USP40: variants seen among roughly 807,000 people sequenced by gnomAD.
The protein encoded by USP40 is ubiquitin specific peptidase 40, also known as ubiquitin carboxyl-terminal hydrolase 40.
In USP40, 143 loss-of-function variants were observed where a neutral mutation model predicts 166.2. The observed-to-expected ratio is 0.86, with a 90% CI of 0.75 to 0.99. USP40 has a LOEUF of 0.99. USP40 is among the 50% of genes least tolerant of loss of function. USP40 has a pLI of 0.00. For missense variants in USP40, 1,444 were observed against 1,479.7 expected (o/e 0.98, Z 0.40); for synonymous variants, 498 against 524.0 (o/e 0.95, Z 0.68).
chr2:233,484,485 T>C (rs934510055), intron 30 of USP40, among the ~76,000 whole-genome samples: 1 of 151,898 alleles, frequency 6.6e-6, no homozygotes, highest in Admixed American at 6.6e-5. Flanking sequence ...TTTTTTTTTT[T>C]TTCTTTTTTT....
chr2:233,539,223 AT>A, intron 10 of USP40, among the ~76,000 whole-genome samples: 1 of 151,428 alleles, frequency 6.6e-6, no homozygotes, highest in East Asian at 1.9e-4. Context: ...AAAAAAAAAA[AT>A]AAGAAGAATA....
In USP40 at chr2:233,487,125, A is replaced by C. The variant is rs566406806; in HGVS notation, c.3197+1114T>G. On this transcript the variant is annotated intron_variant, in intron 28 of 31. Coordinates refer to ENST00000678225, the MANE Select transcript of USP40 (RefSeq NM_001365479.2). ...ATTGTGACAAAGGGTCAAAATCATA[A>C]AGAGCTCACACAAATTCCAAGAGAG... Among the ~76,000 whole-genome samples the C allele has an allele frequency of 4.6e-5, 7 of 152,368 alleles. No individual in the cohort carries two copies. In the South Asian group the frequency reaches 1.4e-3, roughly 32 times the overall value.
Position 233,519,663 on chromosome 2 carries a change from A to G in USP40, c.2334T>C (p.Phe778=), listed in dbSNP as rs376984238. ...KISATVNTMV[F]DIRIKAIKEL... ...CCTTTATGGCTTTAATTCGAATATC[A>G]AACACCATCTAAAACAGAGAAATAA... Residue 778 remains phenylalanine, a synonymous_variant, in exon 18 of 32, where the codon TTT becomes TTC. Transcript: ENST00000678225. 2 of 1,414,572 alleles carry G rather than the reference A, an allele frequency of 1.4e-6. No individual in the cohort carries two copies. Among genetic ancestry groups the G allele is most frequent in the African/African-American group, 2.9e-5 (2 of 70,124 alleles). 87.6% of individuals were successfully genotyped at this position (1,414,572 alleles called of 1,614,324 possible).
chr2:233,521,080 T>C lies in USP40; in HGVS notation c.2236A>G (p.Met746Val), dbSNP rs989837523. ...ACGTGGAGCCAGTCAATCTCATTCA[T>C]ACTAGTGACCCATTTCTCTTCCTTG... The part of the protein sequence containing the change: ...LTKEEKWVTS[M>V]NEIDWLHVKN... The change falls in exon 17 of 32, where the codon ATG becomes GTG. Residue 746 changes from methionine (M) to valine (V), a missense_variant. Physicochemically the swap from Met to Val is conservative, Grantham distance 21 (BLOSUM62 1). Transcript: ENST00000678225. 9.3e-6 allele frequency: 15 copies of C among 1,609,244 alleles called. No individual in the cohort carries two copies. The highest frequency in any genetic ancestry group is 3.3e-4 in the Middle Eastern group (2 of 6,078).
At chr2:233,482,121 T>C (rs1054943398) in intron 30 of USP40, among the ~76,000 whole-genome samples, 2 of 152,344 alleles carry the variant, frequency 1.3e-5, no homozygotes, top group African/African-American at 4.8e-5. Context: ...CCGCCTCTGC[T>C]AGGAACATGT....
chr2:233,491,112 T>C, intron 26 of USP40, 55 bp downstream of exon 26: 1 of 1,168,846 alleles, frequency 8.6e-7, no homozygotes, highest in Non-Finnish European at 1.3e-6. Context: ...TATATTAATA[T>C]CTCACTGGAA....
At chr2:233,533,423 T>C in intron 11 of USP40, 56 bp downstream of exon 11, 2 of 1,516,286 alleles carry the variant, frequency 1.3e-6, no homozygotes, top group Non-Finnish European at 1.8e-6. Flanking sequence ...CAGCATTCCA[T>C]GTTTATCTTC....
In USP40 at chr2:233,532,681, C is replaced by T. The variant is rs1489023872; in HGVS notation, c.1471+798G>A. On this transcript the variant is annotated intron_variant, in intron 11 of 31. Coordinates refer to ENST00000678225, the MANE Select transcript of USP40 (RefSeq NM_001365479.2). ...GACAACTTGCACTCATGACCCTCTA[C>T]CGATGACACCAGCATTTTGGGAGGC... 3.3e-5 allele frequency among the ~76,000 whole-genome samples: 5 copies of T among 152,202 alleles called. No homozygotes were observed. The East Asian group carries it at 9.6e-4, about 29-fold the overall frequency.
At chr2:233,502,553 G>A (rs2066144327) in intron 21 of USP40, among the ~76,000 whole-genome samples, 1 of 152,036 alleles carries the variant, frequency 6.6e-6, no homozygotes, top group African/African-American at 2.4e-5. Context: ...CCCAGAGAGA[G>A]CGCTGCACAG....
chr2:233,543,514 G>A (rs2034675), intron 8 of USP40, among the ~76,000 whole-genome samples: 120,408 of 152,082 alleles, frequency 0.79, 47,746 homozygotes, highest in East Asian at 0.87. Context: ...AAACCTAACC[G>A]CCAATGCAAT....
chr2:233,491,608 G>A (rs981304641), intron 25 of USP40, among the ~76,000 whole-genome samples: 13 of 16,204 alleles, frequency 8.0e-4, no homozygotes, highest in South Asian at 1.7e-3. Context: ...TTCCTCGTGT[G>A]TGTGTGTGTG....
intron 11 of USP40, among the ~76,000 whole-genome samples, chr2:233,532,416 T>A (rs1559261384): frequency 6.6e-6 from 1 of 152,178 alleles, no homozygotes; most frequent in Non-Finnish European, 1.5e-5. Flanking sequence ...ATCAGACTGA[T>A]GGCGGGCTCC....
At chr2:233,542,230 A>G (rs2069487201) in intron 9 of USP40, 38 bp downstream of exon 9, 3 of 1,247,116 alleles carry the variant, frequency 2.4e-6, no homozygotes, top group Non-Finnish European at 3.4e-6. Flanking sequence ...CACACAATAC[A>G]TACCATACAT....
At position 233,549,202 on chromosome 2, in the gene USP40, A is replaced by C. The variant is rs2070294907; in HGVS notation, c.865T>G (p.Tyr289Asp). The change falls in exon 8 of 32, where the codon TAT (tyrosine) becomes GAT (aspartate). Residue 289 changes from tyrosine (Y) to aspartate (D), a missense_variant. Transcript: ENST00000678225. The part of the protein sequence containing the change: ...QSELDDLEYI[Y>D]DLFSVIIHKG... ...TGTATAATAACTGAGAAGAGGTCAT[A>C]TATATATTCTAAGTCATCCAATTCA... 11 of 1,500,502 alleles carry C rather than the reference A, an allele frequency of 7.3e-6. No homozygotes were observed. Among genetic ancestry groups the C allele is most frequent in the Non-Finnish European group, 1.0e-5 (11 of 1,090,324 alleles). The allele number at this position is 1,500,502 out of a possible 1,614,324, so 92.9% of individuals were successfully genotyped here. A position where few individuals can be genotyped will look rare whatever the true frequency, so the allele number is the denominator to read the frequency against.
At position 233,488,886 on chromosome 2, in the gene USP40, G is replaced by A. The variant is rs191318377; in HGVS notation, c.3131+479C>T. Among the ~76,000 whole-genome samples, 8 of 152,134 alleles carry A rather than the reference G, an allele frequency of 5.3e-5. No homozygotes were observed. In the East Asian group the frequency reaches 9.6e-4, roughly 18 times the overall value. ...CACGCCACTGCACTCCAGCCTGGGC[G>A]ACAGAGCCAGACCCTGTCTATTAAG... is the stretch of plus-strand genomic sequence containing the variant. On this transcript the variant is annotated intron_variant, in intron 27 of 31. Transcript: ENST00000678225.
chr2:233,521,137 A>C, intron 16 of USP40, 23 bp from the exon 17 acceptor site: 1 of 1,601,928 alleles, frequency 6.2e-7, no homozygotes, highest in African/African-American at 1.3e-5. Context: ...AGAAAAGATC[A>C]GAAATTAATA....
At chr2:233,520,905 G>T in intron 17 of USP40, 86 bp downstream of exon 17, 1 of 1,445,284 alleles carries the variant, frequency 6.9e-7, no homozygotes, top group Non-Finnish European at 9.3e-7. Flanking sequence ...TGAGACAACT[G>T]TTCTGAAAGA....
intron 26 of USP40, chr2:233,489,772 T>C (rs890343070): frequency 6.7e-5 from 19 of 284,264 alleles, no homozygotes; most frequent in African/African-American, 4.3e-4. Flanking sequence ...GTTTAAAAAA[T>C]GAAACTTTGG....
At chr2:233,496,301 C>T (rs1469318167) in intron 24 of USP40, among the ~76,000 whole-genome samples, 3 of 152,230 alleles carry the variant, frequency 2.0e-5, no homozygotes, top group Non-Finnish European at 4.4e-5. Context: ...TGAGCCCTCT[C>T]ATATGCTACT....
Sources: gnomAD v4.1 joint callset for allele counts (sites outside exome capture counted in the v4.1 genomes callset) on GRCh38, gnomAD v4.1.1 for gene constraint, MANE v1.5 for transcripts, NCBI Gene and HGNC (gene_info 2026-07-23, HGNC 2026-07-21) for gene names.